The following ZNF512B variants were observed in gnomAD, a reference collection of about 807,000 sequenced individuals.
ZNF512B encodes the protein zinc finger protein 512B.
Under a neutral mutation model 87.8 loss-of-function variants are expected in ZNF512B, and 22 were observed. That is an observed-to-expected ratio of 0.25 (90% CI 0.18 to 0.36). The LOEUF (loss-of-function observed/expected upper bound fraction) is 0.36, where lower values mean the gene tolerates loss of function less well. Ranked by LOEUF, ZNF512B falls within the 10% of genes least tolerant of loss-of-function variation. The probability of loss-of-function intolerance (pLI) is 1.00; values close to 1 mark genes in which losing one functional copy is unlikely to be tolerated. For synonymous variants in ZNF512B, 524 were observed against 490.9 expected, an observed-to-expected ratio of 1.07 and a Z score of -0.89; for missense variants, 1,060 against 1,231.6, an observed-to-expected ratio of 0.86 and a Z score of 2.09.
rs372152054 is a variant in ZNF512B, at chr20:63,966,589, T to G, written c.586A>C (p.Lys196Gln). 6 of 1,613,866 alleles carry G rather than the reference T, an allele frequency of 3.7e-6. No individual in the cohort carries two copies. The East Asian group carries it at 1.3e-4, about 36-fold the overall frequency. ...VGVSKPIGVS[K>Q]PVTIGKPVGV... ...ACAGGTTTGCCAATAGTGACAGGTT[T>G]GCTCACTCCGATGGGCTTGCTGACC... Residue 196 changes from lysine to glutamine, a missense_variant, in exon 5 of 17, where the codon AAA (lysine) becomes CAA (glutamine). Physicochemically the swap from Lys to Gln is moderately conservative, Grantham distance 53. Around this residue, in one of 9 missense-constraint regions of ZNF512B, gnomAD observed 201 missense variants for 226.8 expected, o/e 0.89. Transcript: ENST00000369888.
rs779633726 is a variant in ZNF512B, at chr20:63,959,927, G to A, written c.2640C>T (p.Thr880=). Reference sequence around the variant, plus strand: ...CCTTGCTGACTCCCACCTTCCGGCCGGTGGAGCCCCGGGCCCCCTTGTCTC... The same window carrying A: ...CCTTGCTGACTCCCACCTTCCGGCCAGTGGAGCCCCGGGCCCCCTTGTCTC... The part of the protein sequence containing the change: ...GCRDKGARGS[T]GRKVGVSKAP... Residue 880 remains threonine, a synonymous_variant, in exon 17 of 17, where the codon ACC becomes ACT. Transcript: ENST00000369888. 6.9e-6 allele frequency: 11 copies of A among 1,604,908 alleles called. No individual in the cohort carries two copies. Among genetic ancestry groups the A allele is most frequent in the Middle Eastern group, 1.7e-4 (1 of 6,050 alleles).
chr20:63,966,739 C>T lies in ZNF512B; in HGVS notation c.436G>A (p.Glu146Lys), dbSNP rs778909869. Residue 146 changes from glutamate (E) to lysine (K), a missense_variant, in exon 5 of 17, where the codon GAG becomes AAG. Glu to Lys is a moderately conservative substitution (Grantham distance 56). Transcript: ENST00000369888. ...DRLAFPCPFC[E>K]AAFTSKTQLE... ...TGGGTCTTAGAGGTGAATGCGGCCT[C>T]GCAGAAGGGGCAGGGGAAGGCCAGG... 2 of 1,602,820 alleles carry T rather than the reference C, an allele frequency of 1.2e-6. No homozygotes were observed. Among genetic ancestry groups the T allele is most frequent in the East Asian group, 2.2e-5 (1 of 44,788 alleles).
rs1012089295 is a variant in ZNF512B at position 63,961,704 on chromosome 20, G to A, written c.2328+238C>T. 5.3e-5 allele frequency among the ~76,000 whole-genome samples: 8 copies of A among 152,308 alleles called. No individual in the cohort carries two copies. The South Asian group carries it at 6.2e-4, about 12-fold the overall frequency. ...GGTGCCCACCCATGCCTACATGGAC[G>A]CAGAGCTCCAAGGACAGGACTAGGA... is the stretch of plus-strand genomic sequence containing the variant. On this transcript the variant is annotated intron_variant, in intron 15 of 16. Transcript: ENST00000369888. The surrounding 1 kb of genome is among the most constrained non-coding windows in gnomAD (Gnocchi z 6.4).
Position 63,961,536 on chromosome 20 carries a change from A to C in ZNF512B, c.2329-129T>G, listed in dbSNP as rs573448617. Reference sequence around the variant, plus strand: ...AAGCTGTGGCTGTCTGTGCCAGACAATGCAGGGGGCCACTGAGTTACCAGG... The same window carrying C: ...AAGCTGTGGCTGTCTGTGCCAGACACTGCAGGGGGCCACTGAGTTACCAGG... On this transcript the variant is annotated intron_variant, in intron 15 of 16. Coordinates refer to ENST00000369888, the MANE Select transcript of ZNF512B (RefSeq NM_020713.3). This position sits in a 1 kb window ranked among gnomAD's most constrained non-coding sequence, Gnocchi z 6.4. 2.4e-4 allele frequency: 209 copies of C among 863,092 alleles called. 1 individual carries two copies. In the East Asian group the frequency reaches 5.4e-3, roughly 22 times the overall value. The allele number at this position is 863,092 out of a possible 1,614,324, so 53.5% of individuals were successfully genotyped here.
rs1008169530 is a variant in ZNF512B at position 63,961,241 on chromosome 20, G to A, written c.2427+68C>T. The A allele has an allele frequency of 6.6e-7, 1 of 1,507,528 alleles. No individual in the cohort carries two copies. Among genetic ancestry groups the A allele is most frequent in the Non-Finnish European group, 9.1e-7 (1 of 1,094,872 alleles). 93.4% of individuals were successfully genotyped at this position (1,507,528 alleles called of 1,614,324 possible). A position where few individuals can be genotyped will look rare whatever the true frequency, so the allele number is the denominator to read the frequency against. On this transcript the variant is annotated intron_variant, in intron 16 of 16. Transcript: ENST00000369888. The surrounding 1 kb of genome is among the most constrained non-coding windows in gnomAD (Gnocchi z 6.4). ...ACTGACCTCTCTACCCCCAAGGGGT[G>A]CCCAACCCCAGCCCTGTCCCCTCCT...
Position 63,961,669 on chromosome 20 carries a change from C to T in ZNF512B, c.2329-262G>A, listed in dbSNP as rs150600461. ...TTATTGTAAGCCAGTGTGCCATCTG[C>T]GTGGGTCGGGGTGCCCACCCATGCC... On this transcript the variant is annotated intron_variant, in intron 15 of 16. Coordinates refer to ENST00000369888, the MANE Select transcript of ZNF512B (RefSeq NM_020713.3). This position sits in a 1 kb window ranked among gnomAD's most constrained non-coding sequence, Gnocchi z 6.4. Among the ~76,000 whole-genome samples, 10 of 152,208 alleles carry T rather than the reference C, an allele frequency of 6.6e-5. No homozygotes were observed. The highest frequency in any genetic ancestry group is 3.9e-4 in the Admixed American group (6 of 15,292).
intron 12 of ZNF512B, 63 bp from the exon 13 acceptor site, chr20:63,962,844 C>A: frequency 1.4e-6 from 2 of 1,468,456 alleles, no homozygotes; most frequent in South Asian, 1.3e-5. Flanking sequence ...GGTCAGCGCG[C>A]GGCGAGGCCA....
In ZNF512B at chr20:63,961,832, AAGT is replaced by A; in HGVS notation, c.2328+107_2328+109del. On this transcript the variant is annotated intron_variant, in intron 15 of 16. Coordinates refer to ENST00000369888, the MANE Select transcript of ZNF512B (RefSeq NM_020713.3). This position sits in a 1 kb window ranked among gnomAD's most constrained non-coding sequence, Gnocchi z 6.4. ...CGTGGAAGAGGAGGCCACGTAGAAA[AAGT>A]AGGGGACAAGGCAGGGTCCCTCACT... 1 of 1,187,994 alleles carries A rather than the reference AAGT, an allele frequency of 8.4e-7. No individual in the cohort carries two copies. The highest frequency in any genetic ancestry group is 1.3e-5 in the South Asian group (1 of 74,454). The allele number at this position is 1,187,994 out of a possible 1,614,324, so 73.6% of individuals were successfully genotyped here.
At position 63,961,387 on chromosome 20, in the gene ZNF512B, C is replaced by T; in HGVS notation, c.2349G>A (p.Lys783=). The T allele has an allele frequency of 6.2e-7, 1 of 1,612,402 alleles. No homozygotes were observed. The highest frequency in any genetic ancestry group is 8.5e-7 in the Non-Finnish European group (1 of 1,179,954). ...SCSKGAHLAG[K]YRCLLCPKEF... ...CCTTCGGACACAGCAGACAGCGGTACTTCCCTGCCAGGTGGGCCCCCTGCA... is the reference window on the plus strand; with the variant it reads ...CCTTCGGACACAGCAGACAGCGGTATTTCCCTGCCAGGTGGGCCCCCTGCA... The change falls in exon 16 of 17, where the codon AAG becomes AAA. Residue 783 remains lysine, a synonymous_variant. Coordinates refer to ENST00000369888, the MANE Select transcript of ZNF512B (RefSeq NM_020713.3). The surrounding 1 kb of genome is among the most constrained non-coding windows in gnomAD (Gnocchi z 6.4).
rs778825361 is a variant in ZNF512B, at chr20:63,962,745, C to T, written c.2005G>A (p.Glu669Lys). 2.5e-6 allele frequency: 4 copies of T among 1,604,130 alleles called. 1 individual carries two copies. The South Asian group carries it at 3.3e-5, about 13-fold the overall frequency. The change falls in exon 13 of 17, where the codon GAG becomes AAG. Residue 669 changes from glutamate (E) to lysine (K), a missense_variant. Glu to Lys is a moderately conservative substitution (Grantham distance 56, BLOSUM62 1). Around this residue, in one of 9 missense-constraint regions of ZNF512B, gnomAD observed 165 missense variants for 173.0 expected, o/e 0.95. Coordinates refer to ENST00000369888, the MANE Select transcript of ZNF512B (RefSeq NM_020713.3). ...EEPTDKSPEAEDPLGVERTPS... is the reference protein window; with the variant it reads ...EEPTDKSPEAKDPLGVERTPS... ...GTCCGCTCCACACCCAGCGGGTCCT[C>T]AGCCTCAGGGGACTTGTCTGTGGGC... is the stretch of plus-strand genomic sequence containing the variant.
chr20:63,963,696 G>A lies in ZNF512B; in HGVS notation c.1620C>T (p.Leu540=). The A allele has an allele frequency of 6.2e-7, 1 of 1,613,470 alleles. No individual in the cohort carries two copies. Among genetic ancestry groups the A allele is most frequent in the Non-Finnish European group, 8.5e-7 (1 of 1,180,026 alleles). ...ACTGCTTCCGGCAGTGCTGGCACTT[G>A]AGTGCATCCTGAAGCTGCAGATGGC... The part of the protein sequence containing the change: ...MEVCQKLQDA[L]KCQHCRKQFK... Residue 540 remains leucine (L), a synonymous_variant, in exon 10 of 17, where the codon CTC becomes CTT. Coordinates refer to ENST00000369888, the MANE Select transcript of ZNF512B (RefSeq NM_020713.3).
rs138981780 is a variant in ZNF512B at position 63,963,854 on chromosome 20, T to C, written c.1540A>G (p.Thr514Ala). The C allele has an allele frequency of 2.7e-4, 436 of 1,612,582 alleles. No individual in the cohort carries two copies. Among genetic ancestry groups the C allele is most frequent in the Non-Finnish European group, 3.5e-4 (408 of 1,180,014 alleles). ...IHERGEAVCPTCNVVTRKTLV... is the reference protein window; with the variant it reads ...IHERGEAVCPACNVVTRKTLV... Reference sequence around the variant, plus strand: ...GTCTTCCGGGTGACCACGTTGCAGGTGGGGCAGACGGCTTCCCCGCGCTCA... The same window carrying C: ...GTCTTCCGGGTGACCACGTTGCAGGCGGGGCAGACGGCTTCCCCGCGCTCA... The change falls in exon 9 of 17, where the codon ACC (threonine) becomes GCC (alanine). Residue 514 changes from threonine (T) to alanine (A), a missense_variant. Transcript: ENST00000369888.
chr20:63,969,113 C>G (rs1461491595), intron 1 of ZNF512B: 5 of 985,354 alleles, frequency 5.1e-6, no homozygotes, highest in Non-Finnish European at 6.0e-6. Context: ...GGACAAAGTT[C>G]TCTGGAAGTC....
rs762061729 is a variant in ZNF512B, at chr20:63,964,533, G to C, written c.1218C>G (p.Gly406=). 6.2e-7 allele frequency: 1 copy of C among 1,612,654 alleles called. No homozygotes were observed. Among genetic ancestry groups the C allele is most frequent in the East Asian group, 2.2e-5 (1 of 44,872 alleles). The part of the protein sequence containing the change: ...SGGMEALKAA[G]PASPPEEDPE... The stretch of plus-strand genomic sequence containing the variant: ...GGTCCTCCTCAGGCGGGGACGCAGG[G>C]CCTGCAGCCTTCAGTGCCTCCATGC... The change falls in exon 6 of 17, where the codon GGC becomes GGG. Residue 406 remains glycine, a synonymous_variant. Coordinates refer to ENST00000369888, the MANE Select transcript of ZNF512B (RefSeq NM_020713.3).
chr20:63,968,026 C>T, intron 1 of ZNF512B, 74 bp from the exon 2 acceptor site: 3 of 1,543,036 alleles, frequency 1.9e-6, no homozygotes, highest in Non-Finnish European at 2.6e-6. Context: ...GCCCTGGAGC[C>T]CTGCCCTTGG....
At chr20:63,967,335 A>G (rs1396976238) in intron 3 of ZNF512B, 46 bp downstream of exon 3, 1 of 1,545,284 alleles carries the variant, frequency 6.5e-7, no homozygotes, top group Non-Finnish European at 8.7e-7. Context: ...GTGGCTGGAT[A>G]GGGAGACCCC....
At position 63,963,460 on chromosome 20, in the gene ZNF512B, C is replaced by T. The variant is rs1298928686; in HGVS notation, c.1699-20G>A. ...AGAGGGCTGGGGACAGGGTGAGCAT[C>T]GGTGACCCGGCACCATCGCCACGGA... On this transcript the variant is annotated intron_variant, in intron 10 of 16. Coordinates refer to ENST00000369888, the MANE Select transcript of ZNF512B (RefSeq NM_020713.3). The T allele has an allele frequency of 2.6e-6, 4 of 1,545,232 alleles. No homozygotes were observed. Among genetic ancestry groups the T allele is most frequent in the East Asian group, 2.4e-5 (1 of 41,378 alleles).
chr20:63,968,013 G>A, intron 1 of ZNF512B, 61 bp from the exon 2 acceptor site: 2 of 1,561,560 alleles, frequency 1.3e-6, no homozygotes, highest in South Asian at 1.1e-5. Flanking sequence ...ACGTGGTGAG[G>A]CTGCCCTGGA....
At chr20:63,969,420 C>T (rs946556443) in intron 1 of ZNF512B, among the ~76,000 whole-genome samples, 41 of 151,880 alleles carry the variant, frequency 2.7e-4, no homozygotes, top group African/African-American at 9.4e-4. Flanking sequence ...AGCAGCGGGT[C>T]CGCCGCGTAG....
Sources: allele counts gnomAD v4.1 joint callset (sites outside exome capture counted in the v4.1 genomes callset), GRCh38; gene constraint gnomAD v4.1.1; regional missense constraint gnomAD v4.1.1; non-coding constraint Gnocchi (gnomAD v3.1); transcripts MANE v1.5; gene names NCBI Gene and HGNC (gene_info 2026-07-23, HGNC 2026-07-21).